Variants in TFPI observed in about 807,000 individuals in gnomAD.
TFPI encodes the protein tissue factor pathway inhibitor, also known as anti-convertin.
In TFPI, 15 loss-of-function variants were observed where a neutral mutation model predicts 34.6. The observed-to-expected ratio is 0.43, with a 90% CI of 0.29 to 0.67. TFPI has a LOEUF of 0.67. Ranked by LOEUF, TFPI falls within the 30% of genes least tolerant of loss-of-function variation. The pLI is 0.15. For missense variants in TFPI, 301 were observed against 364.0 expected, an observed-to-expected ratio of 0.83 and a Z score of 1.41; for synonymous variants, 105 against 120.1, an observed-to-expected ratio of 0.87 and a Z score of 0.82.
chr2:187,517,650 G>C (rs1043306806), intron 1 of TFPI: 2 of 152,144 alleles, frequency 1.3e-5, no homozygotes, highest in East Asian at 1.9e-4. Flanking sequence ...GTAGATGCCT[G>C]TTAGATCCAC....
Position 187,465,361 on chromosome 2 carries a change from G to C in TFPI, c.*1575C>G, listed in dbSNP as rs559549692. ...TCTACAAAAATTACATAAATTAGCT[G>C]GTGTGGTGGCCTGCACCTCTAGTCC... is the stretch of plus-strand genomic sequence containing the variant. On this transcript the variant is annotated 3_prime_UTR_variant, in exon 8 of 8. Transcript: ENST00000233156. 6.6e-6 allele frequency: 1 copy of C among 151,700 alleles called. No individual in the cohort carries two copies. Among genetic ancestry groups the C allele is most frequent in the South Asian group, 2.1e-4 (1 of 4,812 alleles). The allele number at this position is 151,700 out of a possible 1,614,324, so 9.4% of individuals were successfully genotyped here. A position where few individuals can be genotyped will look rare whatever the true frequency, so the allele number is the denominator to read the frequency against.
intron 1 of TFPI, chr2:187,513,528 G>T (rs990777150): frequency 6.6e-6 from 1 of 152,310 alleles, no homozygotes; most frequent in Admixed American, 6.6e-5. Context: ...TTTAGCACAC[G>T]TACCACCCCT....
At chr2:187,503,488 C>CACACACACACACACAT in intron 2 of TFPI, among the ~76,000 whole-genome samples, 160 bp downstream of exon 2, 1 of 151,842 alleles carries the variant, frequency 6.6e-6, no homozygotes, top group Non-Finnish European at 1.5e-5. Flanking sequence ...CACACACACA[C>CACACACACACACACAT]ACACACACAC....
chr2:187,503,241 A>AAG (rs1685968390), intron 2 of TFPI, among the ~76,000 whole-genome samples: 1 of 152,056 alleles, frequency 6.6e-6, no homozygotes, highest in African/African-American at 2.4e-5. Flanking sequence ...AGAAAGAGAG[A>AAG]ATAGCTGAAA....
intron 3 of TFPI, among the ~76,000 whole-genome samples, chr2:187,490,693 C>T (rs962628808): frequency 4.0e-5 from 6 of 151,496 alleles, no homozygotes; most frequent in South Asian, 2.1e-4. Context: ...TTTTAACTGG[C>T]GTGACTGGAC....
chr2:187,530,628 T>A (rs979077757), intron 1 of TFPI, among the ~76,000 whole-genome samples: 6 of 152,192 alleles, frequency 3.9e-5, no homozygotes, highest in African/African-American at 1.4e-4. Context: ...ATGGTTACGT[T>A]CTCTTCCTTC....
At chr2:187,504,457 T>C (rs1396896174) in intron 1 of TFPI, among the ~76,000 whole-genome samples, 1 of 150,586 alleles carries the variant, frequency 6.6e-6, no homozygotes. Flanking sequence ...CACAGAAAAG[T>C]GACTCTAAGT....
chr2:187,506,931 T>C (rs1686260476), intron 1 of TFPI, among the ~76,000 whole-genome samples: 1 of 152,180 alleles, frequency 6.6e-6, no homozygotes. Flanking sequence ...TTTTATACTT[T>C]AAGTTCTGGG....
At chr2:187,473,448 T>C (rs965666223) in intron 6 of TFPI, among the ~76,000 whole-genome samples, 1 of 152,196 alleles carries the variant, frequency 6.6e-6, no homozygotes, top group Non-Finnish European at 1.5e-5. Context: ...AAATGAGATA[T>C]GCTAGAATGC....
intron 1 of TFPI, among the ~76,000 whole-genome samples, chr2:187,541,618 G>A (rs1688587807): frequency 6.6e-6 from 1 of 152,114 alleles, no homozygotes; most frequent in Admixed American, 6.5e-5. Context: ...TTGTTTCGTG[G>A]GGTGAATGAG....
At chr2:187,540,890 CAAAAAAAAAAAAAAAAAGA>C (rs1186440318) in intron 1 of TFPI, among the ~76,000 whole-genome samples, 1 of 84,780 alleles carries the variant, frequency 1.2e-5, no homozygotes, top group East Asian at 3.0e-4. Context: ...GACTCCATCT[CAAAAAAAAAAAAAAAAAGA>C]AAAAAGAAAA....
At chr2:187,487,215 T>G (rs1163895878) in intron 4 of TFPI, among the ~76,000 whole-genome samples, 2 of 151,516 alleles carry the variant, frequency 1.3e-5, no homozygotes, top group African/African-American at 4.8e-5. Context: ...AGACAAAAAC[T>G]TCTTTATTAT....
At chr2:187,497,507 C>T (rs1038243672) in intron 2 of TFPI, among the ~76,000 whole-genome samples, 4 of 152,014 alleles carry the variant, frequency 2.6e-5, no homozygotes, top group African/African-American at 7.2e-5. Context: ...TATACACACA[C>T]ATATGTATAT....
intron 1 of TFPI, among the ~76,000 whole-genome samples, chr2:187,512,382 A>T (rs1390214284): frequency 6.6e-6 from 1 of 152,026 alleles, no homozygotes; most frequent in East Asian, 1.9e-4. Flanking sequence ...TTTAACATTA[A>T]CTACTGAAAA....
At chr2:187,511,158 C>T (rs943697540) in intron 1 of TFPI, among the ~76,000 whole-genome samples, 3 of 152,156 alleles carry the variant, frequency 2.0e-5, no homozygotes, top group Non-Finnish European at 4.4e-5. Context: ...AGAGGGTCAA[C>T]GCAGTGGCTG....
intron 1 of TFPI, among the ~76,000 whole-genome samples, chr2:187,532,736 T>C (rs1453752889): frequency 6.6e-6 from 1 of 151,992 alleles, no homozygotes; most frequent in Admixed American, 6.5e-5. Flanking sequence ...GACAGAACCA[T>C]CATCCCCTGG....
intron 1 of TFPI, among the ~76,000 whole-genome samples, chr2:187,545,597 G>A (rs1486153977): frequency 6.6e-6 from 1 of 152,020 alleles, no homozygotes; most frequent in South Asian, 2.1e-4. Context: ...CAAAAGACAC[G>A]CTATTCTCAC....
chr2:187,534,354 G>T (rs183681861), intron 1 of TFPI, among the ~76,000 whole-genome samples: 1 of 152,212 alleles, frequency 6.6e-6, no homozygotes, highest in Non-Finnish European at 1.5e-5. Context: ...AAGCCCATCA[G>T]ATTAACAGTG....
At chr2:187,520,553 A>G (rs1001257504) in intron 1 of TFPI, 3 of 152,254 alleles carry the variant, frequency 2.0e-5, no homozygotes, top group Admixed American at 1.3e-4. Flanking sequence ...TTCTGCGTTG[A>G]TCTCTGCGGG....
Sources: allele counts gnomAD v4.1 joint callset (sites outside exome capture counted in the v4.1 genomes callset), GRCh38; gene constraint gnomAD v4.1.1; transcripts MANE v1.5; gene names NCBI Gene and HGNC (gene_info 2026-07-23, HGNC 2026-07-21).